The following FAF1 variants were observed in gnomAD, a reference collection of about 807,000 sequenced individuals.
The protein encoded by FAF1 is Fas associated factor 1.
FAF1 carries 25 observed loss-of-function variants against 92.5 expected under a neutral mutation model. The ratio of observed to expected loss-of-function variants is 0.27; its 90% CI spans 0.20 to 0.38. The LOEUF (loss-of-function observed/expected upper bound fraction) is 0.38. FAF1 is among the 10% of genes least tolerant of loss of function. The pLI, the probability that FAF1 is intolerant of heterozygous loss-of-function variation, is 1.00. For missense variants in FAF1, 636 were observed against 793.3 expected (o/e 0.80, Z 2.38); for synonymous variants, 234 against 273.2 (o/e 0.86, Z 1.42).
At chr1:50,678,935 A>G (rs1236315704) in intron 7 of FAF1, among the ~76,000 whole-genome samples, 1 of 151,524 alleles carries the variant, frequency 6.6e-6, no homozygotes, top group Non-Finnish European at 1.5e-5. Context: ...AAAATACAAA[A>G]AAGTAGCCAG....
At chr1:50,543,338 G>A (rs941498468) in intron 13 of FAF1, among the ~76,000 whole-genome samples, 20 of 152,044 alleles carry the variant, frequency 1.3e-4, no homozygotes, top group South Asian at 2.1e-4. Flanking sequence ...CCTACCTACC[G>A]TATACCAGGT....
intron 1 of FAF1, among the ~76,000 whole-genome samples, chr1:50,864,970 C>T (rs1326490701): frequency 6.6e-6 from 1 of 151,990 alleles, no homozygotes; most frequent in Non-Finnish European, 1.5e-5. Flanking sequence ...CCAGAATCTA[C>T]AATGAACTCA....
intron 15 of FAF1, among the ~76,000 whole-genome samples, chr1:50,516,074 T>C (rs1197563631): frequency 6.6e-6 from 1 of 152,210 alleles, no homozygotes; most frequent in African/African-American, 2.4e-5. Flanking sequence ...AAGTGGCTAC[T>C]AACTGAAGTA....
At chr1:50,723,829 A>C (rs962501649) in intron 6 of FAF1, among the ~76,000 whole-genome samples, 1 of 151,686 alleles carries the variant, frequency 6.6e-6, no homozygotes, top group Non-Finnish European at 1.5e-5. Context: ...GCTCACTGCA[A>C]CCTCCGCCTC....
At chr1:50,660,597 G>A (rs916467608) in intron 7 of FAF1, among the ~76,000 whole-genome samples, 14 of 151,700 alleles carry the variant, frequency 9.2e-5, no homozygotes, top group South Asian at 8.4e-4. Flanking sequence ...GGATTCAAGC[G>A]ATTCTCCTGC....
intron 15 of FAF1, among the ~76,000 whole-genome samples, chr1:50,499,079 T>C (rs565599216): frequency 2.0e-5 from 3 of 152,304 alleles, no homozygotes; most frequent in Admixed American, 6.5e-5. Context: ...TACTATAACA[T>C]AGATGGACCT....
chr1:50,575,967 A>G (rs1650712712), intron 12 of FAF1, among the ~76,000 whole-genome samples: 1 of 152,236 alleles, frequency 6.6e-6, no homozygotes, highest in South Asian at 2.1e-4. Flanking sequence ...TAAAAAATAA[A>G]TATAATAAAA....
chr1:50,682,672 G>A (rs1656475174), intron 7 of FAF1, among the ~76,000 whole-genome samples: 1 of 152,082 alleles, frequency 6.6e-6, no homozygotes, highest in Non-Finnish European at 1.5e-5. Context: ...TATATATACT[G>A]GTATTATCTC....
chr1:50,879,255 CAAAT>C (rs556371945), intron 1 of FAF1, among the ~76,000 whole-genome samples: 124 of 149,214 alleles, frequency 8.3e-4, no homozygotes, highest in Non-Finnish European at 1.4e-3. Flanking sequence ...AAAAAATAAA[CAAAT>C]GAATGAATGA....
intron 7 of FAF1, among the ~76,000 whole-genome samples, chr1:50,690,000 T>C (rs958851486): frequency 6.8e-6 from 1 of 147,042 alleles, no homozygotes; most frequent in Non-Finnish European, 1.5e-5. Context: ...TTTCTTTTTT[T>C]TTTTTTTTTT....
intron 1 of FAF1, among the ~76,000 whole-genome samples, chr1:50,949,302 T>C (rs998608639): frequency 1.3e-5 from 2 of 152,222 alleles, no homozygotes; most frequent in African/African-American, 2.4e-5. Context: ...TGAGAACCAT[T>C]AGTTTAAATC....
At chr1:50,532,479 C>T (rs1648229003) in intron 15 of FAF1, among the ~76,000 whole-genome samples, 1 of 152,110 alleles carries the variant, frequency 6.6e-6, no homozygotes, top group Non-Finnish European at 1.5e-5. Flanking sequence ...TCAATCAATG[C>T]CTCTGTTCCA....
intron 7 of FAF1, among the ~76,000 whole-genome samples, chr1:50,668,881 T>A (rs1180187973): frequency 6.6e-6 from 1 of 152,300 alleles, no homozygotes; most frequent in South Asian, 2.1e-4. Flanking sequence ...AAGGAGGCAT[T>A]CTGAATAAAC....
intron 1 of FAF1, among the ~76,000 whole-genome samples, chr1:50,887,396 C>A (rs138422027): frequency 0.065 from 9,946 of 152,236 alleles, 402 homozygotes; most frequent in East Asian, 0.094. Context: ...TCCCATTTGT[C>A]AATTTTGGCT....
chr1:50,714,721 G>A (rs1394432183), intron 6 of FAF1, among the ~76,000 whole-genome samples: 1 of 152,252 alleles, frequency 6.6e-6, no homozygotes, highest in South Asian at 2.1e-4. Flanking sequence ...TAACAGCTAT[G>A]GACCCTTGGA....
intron 13 of FAF1, among the ~76,000 whole-genome samples, chr1:50,554,468 GTACT>G (rs892443493): frequency 1.0e-3 from 153 of 148,784 alleles, no homozygotes; most frequent in African/African-American, 3.6e-3. Flanking sequence ...AATTAAGTAG[GTACT>G]TAATTAATGG....
chr1:50,960,019 G>A lies in FAF1; in HGVS notation c.-208C>T. 2.5e-6 allele frequency: 1 copy of A among 395,040 alleles called. No individual in the cohort carries two copies. The highest frequency in any genetic ancestry group is 4.5e-6 in the Non-Finnish European group (1 of 224,026). The allele number at this position is 395,040 out of a possible 1,614,324, so 24.5% of individuals were successfully genotyped here. A position where few individuals can be genotyped will look rare whatever the true frequency, so the allele number is the denominator to read the frequency against. ...GCACTCGGTAACCTTCAGGCGCCCC[G>A]GCCGCCCGCCTGCAACCTGCGGAGC... On this transcript the variant is annotated 5_prime_UTR_variant, in exon 1 of 19. Transcript: ENST00000396153.
chr1:50,526,423 C>G (rs932689627), intron 15 of FAF1, among the ~76,000 whole-genome samples: 2 of 151,436 alleles, frequency 1.3e-5, no homozygotes, highest in African/African-American at 4.8e-5. Context: ...TAGCGAGACC[C>G]CATCTCTATT....
chr1:50,732,290 T>C (rs1441072369), intron 6 of FAF1, among the ~76,000 whole-genome samples: 1 of 152,032 alleles, frequency 6.6e-6, no homozygotes. Flanking sequence ...TTAGCCAGGA[T>C]GGTCTCAATC....
Sources: allele counts gnomAD v4.1 joint callset (sites outside exome capture counted in the v4.1 genomes callset), GRCh38; gene constraint gnomAD v4.1.1; transcripts MANE v1.5; gene names NCBI Gene and HGNC (gene_info 2026-07-23, HGNC 2026-07-21).